DLG2: variants seen among roughly 807,000 people sequenced by gnomAD.
DLG2 encodes the protein discs large MAGUK scaffold protein 2.
Under a neutral mutation model 132.5 loss-of-function variants are expected in DLG2, and 45 were observed. The ratio of observed to expected loss-of-function variants is 0.34; its 90% CI spans 0.27 to 0.44. The LOEUF is 0.44. Ranked by LOEUF, DLG2 falls within the 20% of genes least tolerant of loss-of-function variation. The pLI is 1.00. For synonymous variants in DLG2, 424 were observed against 419.6 expected (o/e 1.01, Z -0.13); for missense variants, 1,045 against 1,196.9 (o/e 0.87, Z 1.87).
At chr11:85,045,422 T>C (rs577171146) in intron 6 of DLG2, among the ~76,000 whole-genome samples, 1 of 152,184 alleles carries the variant, frequency 6.6e-6, no homozygotes, top group African/African-American at 2.4e-5. Context: ...GATGGGAATA[T>C]GCAAAAGTGA....
At chr11:83,878,667 AC>A (rs973975179) in intron 15 of DLG2, among the ~76,000 whole-genome samples, 9 of 152,146 alleles carry the variant, frequency 5.9e-5, no homozygotes, top group Admixed American at 1.3e-4. Context: ...TCTCTGTCCC[AC>A]CCACACCACC....
At chr11:84,766,754 G>A (rs1943709) in intron 6 of DLG2, among the ~76,000 whole-genome samples, 42,011 of 151,844 alleles carry the variant, frequency 0.28, 6,198 homozygotes, top group Admixed American at 0.3. Flanking sequence ...GAGGAAAGAT[G>A]GTTAAATAGA....
chr11:84,812,645 A>C (rs1458555282), intron 6 of DLG2, among the ~76,000 whole-genome samples: 1 of 152,166 alleles, frequency 6.6e-6, no homozygotes, highest in African/African-American at 2.4e-5. Context: ...AATGAAAGCA[A>C]TTCCACAGCA....
chr11:84,945,924 A>G (rs967078234), intron 6 of DLG2, among the ~76,000 whole-genome samples: 1 of 152,026 alleles, frequency 6.6e-6, no homozygotes, highest in Non-Finnish European at 1.5e-5. Flanking sequence ...GCCACAAGAC[A>G]AAACCCTTCT....
At chr11:84,677,708 C>A (rs1595562691) in intron 6 of DLG2, among the ~76,000 whole-genome samples, 1 of 151,790 alleles carries the variant, frequency 6.6e-6, no homozygotes, top group Non-Finnish European at 1.5e-5. Flanking sequence ...GCATAGCTGA[C>A]CTCTGCAAAA....
chr11:85,150,392 AGT>A (rs2077160868), intron 5 of DLG2, among the ~76,000 whole-genome samples: 1 of 152,108 alleles, frequency 6.6e-6, no homozygotes, highest in Non-Finnish European at 1.5e-5. Flanking sequence ...ACCACTCTTA[AGT>A]GTAGAGTTCA....
intron 6 of DLG2, among the ~76,000 whole-genome samples, chr11:84,659,434 C>T (rs563738697): frequency 1.6e-4 from 24 of 152,226 alleles, no homozygotes; most frequent in African/African-American, 4.6e-4. Flanking sequence ...TACCAATAAA[C>T]TTCTGGATCC....
chr11:85,547,283 G>T (rs533585024), intron 3 of DLG2, among the ~76,000 whole-genome samples: 24 of 152,272 alleles, frequency 1.6e-4, no homozygotes, highest in Middle Eastern at 6.8e-3. Context: ...GAAATTCTGG[G>T]TTGAAAATTC....
At chr11:85,191,162 GCACACACACACACACACACACACACA>G (rs3067460) in intron 4 of DLG2, among the ~76,000 whole-genome samples, 4 of 139,842 alleles carry the variant, frequency 2.9e-5, no homozygotes, top group Non-Finnish European at 6.1e-5. Context: ...GCGCACGCGC[GCACACACACACACACACACACACACA>G]CACACACACA....
intron 8 of DLG2, among the ~76,000 whole-genome samples, chr11:84,166,569 T>C (rs1044956198): frequency 6.6e-6 from 1 of 151,826 alleles, no homozygotes; most frequent in Non-Finnish European, 1.5e-5. Context: ...GATCTTAATT[T>C]GTGAAAATTT....
In DLG2 at chr11:84,100,542, TA is replaced by T. The variant is rs1327560572; in HGVS notation, c.625-1496del. Among the ~76,000 whole-genome samples, 7 of 151,898 alleles carry T rather than the reference TA, an allele frequency of 4.6e-5. No individual in the cohort carries two copies. The East Asian group carries it at 1.4e-3, about 29-fold the overall frequency. ...TTTCTGTATAGCTAGGCAGTCTTTA[TA>T]AATATTCGTCTTAAATGGCTAGTCA... is the stretch of plus-strand genomic sequence containing the variant. On this transcript the variant is annotated intron_variant, in intron 9 of 27. Transcript: ENST00000376104.
chr11:84,470,162 A>G (rs1428003898), intron 7 of DLG2, among the ~76,000 whole-genome samples: 1 of 151,778 alleles, frequency 6.6e-6, no homozygotes, highest in Non-Finnish European at 1.5e-5. Context: ...GTTATGTGGT[A>G]CATGACTGTA....
At chr11:84,468,772 G>T (rs1008483247) in intron 7 of DLG2, among the ~76,000 whole-genome samples, 1 of 151,604 alleles carries the variant, frequency 6.6e-6, no homozygotes, top group Admixed American at 6.6e-5. Flanking sequence ...CAAAATTTTA[G>T]AGTTTAATAT....
intron 16 of DLG2, among the ~76,000 whole-genome samples, chr11:83,846,019 A>G (rs1387498685): frequency 6.6e-6 from 1 of 152,242 alleles, no homozygotes; most frequent in Non-Finnish European, 1.5e-5. Flanking sequence ...TAAAGTAATA[A>G]ATCAACATTG....
chr11:85,202,892 G>A (rs2081570965), intron 4 of DLG2, among the ~76,000 whole-genome samples: 1 of 151,666 alleles, frequency 6.6e-6, no homozygotes, highest in African/African-American at 2.4e-5. Flanking sequence ...GGGATATAGT[G>A]AAAGCAGTAC....
In DLG2 at chr11:84,416,001, T is replaced by C. The variant is rs1303243230; in HGVS notation, c.519+118569A>G. ...TAATTTTAATTACTATTTTGGGTTT[T>C]TGCAAACTAATCATTGGCTTCTTTC... On this transcript the variant is annotated intron_variant, in intron 7 of 27. Transcript: ENST00000376104. Among the ~76,000 whole-genome samples, 3 of 152,150 alleles carry C rather than the reference T, an allele frequency of 2.0e-5. No homozygotes were observed. In the East Asian group the frequency reaches 5.8e-4, roughly 29 times the overall value.
chr11:84,029,705 A>G (rs980392471), intron 11 of DLG2, among the ~76,000 whole-genome samples: 1 of 152,118 alleles, frequency 6.6e-6, no homozygotes, highest in African/African-American at 2.4e-5. Flanking sequence ...CTGTCCAGCT[A>G]TGCCTCTTGC....
chr11:83,580,126 C>T (rs2096944679), intron 19 of DLG2, among the ~76,000 whole-genome samples: 1 of 151,978 alleles, frequency 6.6e-6, no homozygotes, highest in African/African-American at 2.4e-5. Context: ...CTACAAATTT[C>T]ATTTGTATCA....
At chr11:85,606,072 C>T (rs906530818) in intron 2 of DLG2, among the ~76,000 whole-genome samples, 1 of 151,962 alleles carries the variant, frequency 6.6e-6, no homozygotes, top group Non-Finnish European at 1.5e-5. Context: ...ACAAGTTTGG[C>T]CTTATACCAA....
Sources: allele counts gnomAD v4.1 joint callset (sites outside exome capture counted in the v4.1 genomes callset), GRCh38; gene constraint gnomAD v4.1.1; transcripts MANE v1.5; gene names NCBI Gene and HGNC (gene_info 2026-07-23, HGNC 2026-07-21).